The following RNFT2 variants were observed in gnomAD, a reference collection of about 807,000 sequenced individuals.
RNFT2 encodes the protein E3 ubiquitin-protein ligase RNFT2.
RNFT2 carries 36 observed loss-of-function variants against 53.0 expected under a neutral mutation model. That is an observed-to-expected ratio of 0.68 (90% CI 0.52 to 0.90). The LOEUF (loss-of-function observed/expected upper bound fraction) is 0.90, where lower values mean the gene tolerates loss of function less well. RNFT2 is among the 40% of genes least tolerant of loss of function. The pLI, the probability that RNFT2 is intolerant of heterozygous loss-of-function variation, is 0.00. For missense variants in RNFT2, 514 were observed against 585.6 expected (o/e 0.88, Z 1.26); for synonymous variants, 260 against 253.2 (o/e 1.03, Z -0.26).
rs750378736 is a variant in RNFT2 at position 116,851,766 on chromosome 12, G to A, written c.*2318G>A. On this transcript the variant is annotated 3_prime_UTR_variant, in exon 11 of 11. Transcript: ENST00000257575. ...TCTAAAAAAAAAAAGAAAGAAAGAA[G>A]GGAGGGAGGGAGGAAGGAAGGAAGG... 1 of 761,812 alleles carries A rather than the reference G, an allele frequency of 1.3e-6. No homozygotes were observed. The highest frequency in any genetic ancestry group is 1.5e-5 in the South Asian group (1 of 67,742). 47.2% of individuals were successfully genotyped at this position (761,812 alleles called of 1,614,324 possible).
intron 7 of RNFT2, among the ~76,000 whole-genome samples, chr12:116,799,849 G>A (rs1874680231): frequency 6.6e-6 from 1 of 152,164 alleles, no homozygotes; most frequent in Non-Finnish European, 1.5e-5. Flanking sequence ...ATACAGTTTG[G>A]ATGTTTGTCC....
intron 10 of RNFT2, among the ~76,000 whole-genome samples, chr12:116,848,144 G>T (rs1229875177): frequency 1.3e-5 from 2 of 152,096 alleles, no homozygotes; most frequent in Non-Finnish European, 2.9e-5. Flanking sequence ...ATGGCTTCCA[G>T]CTCCACCCAT....
At chr12:116,834,916 C>T (rs1373379847) in intron 8 of RNFT2, among the ~76,000 whole-genome samples, 1 of 147,494 alleles carries the variant, frequency 6.8e-6, no homozygotes, top group African/African-American at 2.5e-5. Context: ...GTGGTGCAAT[C>T]TTGGCTCATT....
chr12:116,850,148 CTTTTTTTTTTTTTT>C lies in RNFT2; in HGVS notation c.*711_*724del, dbSNP rs71099006. On this transcript the variant is annotated 3_prime_UTR_variant, in exon 11 of 11. Coordinates refer to ENST00000257575, the MANE Select transcript of RNFT2 (RefSeq NM_001382266.1). ...GCATGAGCCACCGTGCCCAGGCTCA[CTTTTTTTTTTTTTT>C]TTTTTTTTTTGAGACAGGGTCTGGG... The C allele has an allele frequency of 1.4e-5, 1 of 73,236 alleles. No individual in the cohort carries two copies. Among genetic ancestry groups the C allele is most frequent in the Non-Finnish European group, 2.6e-5 (1 of 38,246 alleles). 4.5% of individuals were successfully genotyped at this position (73,236 alleles called of 1,614,324 possible).
intron 5 of RNFT2, 135 bp from the exon 6 acceptor site, chr12:116,766,679 T>C (rs1427545694): frequency 3.0e-6 from 2 of 677,474 alleles, no homozygotes; most frequent in Non-Finnish European, 5.2e-6. Flanking sequence ...AAGGTGCCAA[T>C]GCCCTTCCTT....
intron 7 of RNFT2, among the ~76,000 whole-genome samples, chr12:116,812,629 G>A (rs1293714991): frequency 6.6e-6 from 1 of 151,804 alleles, no homozygotes; most frequent in Non-Finnish European, 1.5e-5. Context: ...CCACCTCCTG[G>A]GTTTAAACGG....
At chr12:116,773,490 T>C (rs1873290132) in intron 6 of RNFT2, among the ~76,000 whole-genome samples, 1 of 152,228 alleles carries the variant, frequency 6.6e-6, no homozygotes, top group Admixed American at 6.5e-5. Flanking sequence ...TTGGCATGAC[T>C]TAGCCGTTCA....
At chr12:116,847,532 CTT>C (rs56687861) in intron 10 of RNFT2, among the ~76,000 whole-genome samples, 2 of 145,602 alleles carry the variant, frequency 1.4e-5, no homozygotes, top group Non-Finnish European at 1.5e-5. Context: ...CTCTCTCTCT[CTT>C]TTTTTTTTTT....
chr12:116,832,042 G>C (rs1490998289), intron 7 of RNFT2, among the ~76,000 whole-genome samples: 1 of 149,052 alleles, frequency 6.7e-6, no homozygotes, highest in African/African-American at 2.5e-5. Flanking sequence ...GAGGTGGAAG[G>C]ATTGCTTGAA....
intron 6 of RNFT2, among the ~76,000 whole-genome samples, chr12:116,778,932 A>C (rs985242148): frequency 1.3e-5 from 2 of 152,268 alleles, no homozygotes; most frequent in African/African-American, 4.8e-5. Context: ...ACACAAAAAA[A>C]GGACTAAAAC....
intron 10 of RNFT2, among the ~76,000 whole-genome samples, chr12:116,843,445 A>G (rs1215539102): frequency 1.4e-5 from 2 of 141,560 alleles, no homozygotes; most frequent in Non-Finnish European, 3.0e-5. Context: ...GTGAGCCTTA[A>G]TCACACCACT....
intron 5 of RNFT2, among the ~76,000 whole-genome samples, chr12:116,761,032 CT>C (rs1332000579): frequency 6.6e-6 from 1 of 152,194 alleles, no homozygotes; most frequent in Non-Finnish European, 1.5e-5. Context: ...TCTATCACCC[CT>C]GGGTAGATCC....
rs1872121924 is a variant in RNFT2 at position 116,750,186 on chromosome 12, C to T, written c.429C>T (p.Asp143=). The change falls in exon 4 of 11, where the codon GAC becomes GAT. Residue 143 remains aspartate (D), a synonymous_variant. Coordinates refer to ENST00000257575, the MANE Select transcript of RNFT2 (RefSeq NM_001382266.1). The stretch of plus-strand genomic sequence containing the variant: ...GGGGGCACTCGGAGGAGGGAGGCGA[C>T]GAGCAGCCTGGGACGCCCGCCCCCG... The part of the protein sequence containing the change: ...DHRGHSEEGG[D]EQPGTPAPAL... 6 of 1,599,616 alleles carry T rather than the reference C, an allele frequency of 3.8e-6. No homozygotes were observed. The highest frequency in any genetic ancestry group is 2.7e-5 in the African/African-American group (2 of 74,864).
rs1592998499 is a variant in RNFT2 at position 116,852,406 on chromosome 12, C to T, written c.*2958C>T. ...CCCTTGGCTTGGCATCCCTGGCTCT[C>T]TCCTGGTACCCAGCAAGACGTCTGT... On this transcript the variant is annotated 3_prime_UTR_variant, in exon 11 of 11. Transcript: ENST00000257575. 1 of 1,359,166 alleles carries T rather than the reference C, an allele frequency of 7.4e-7. No homozygotes were observed. The highest frequency in any genetic ancestry group is 9.5e-7 in the Non-Finnish European group (1 of 1,054,110). 84.2% of individuals were successfully genotyped at this position (1,359,166 alleles called of 1,614,324 possible).
intron 7 of RNFT2, among the ~76,000 whole-genome samples, chr12:116,827,917 T>C (rs1038042739): frequency 6.6e-6 from 1 of 152,156 alleles, no homozygotes; most frequent in Admixed American, 6.5e-5. Flanking sequence ...CCCAGCCTCT[T>C]TGGTTCCTGG....
intron 10 of RNFT2, among the ~76,000 whole-genome samples, chr12:116,848,818 G>GTTTTTTGT (rs1877750038): frequency 6.7e-6 from 1 of 148,784 alleles, no homozygotes; most frequent in Non-Finnish European, 1.5e-5. Flanking sequence ...TTGTTTGTTT[G>GTTTTTTGT]TTTTTTGTTT....
chr12:116,770,803 C>T (rs1873139480), intron 6 of RNFT2, among the ~76,000 whole-genome samples: 1 of 152,156 alleles, frequency 6.6e-6, no homozygotes, highest in African/African-American at 2.4e-5. Flanking sequence ...AAGTGATCCA[C>T]CCACCTCAGC....
intron 7 of RNFT2, among the ~76,000 whole-genome samples, chr12:116,831,447 T>G (rs1385374258): frequency 6.6e-6 from 1 of 152,196 alleles, no homozygotes; most frequent in Non-Finnish European, 1.5e-5. Context: ...TGCTATTTCT[T>G]CAGGGTACAT....
At chr12:116,834,187 C>T (rs115039812) in intron 8 of RNFT2, among the ~76,000 whole-genome samples, 2,606 of 152,152 alleles carry the variant, frequency 0.017, 68 homozygotes, top group African/African-American at 0.059. Context: ...AGCGCAGTCT[C>T]GGCTCACTGC....
Sources: allele counts gnomAD v4.1 joint callset (sites outside exome capture counted in the v4.1 genomes callset), GRCh38; gene constraint gnomAD v4.1.1; transcripts MANE v1.5; gene names NCBI Gene and HGNC (gene_info 2026-07-23, HGNC 2026-07-21).